PRELID2: variants seen among roughly 807,000 people sequenced by gnomAD.
The protein encoded by PRELID2 is PRELI domain-containing protein 2.
Under a neutral mutation model 28.4 loss-of-function variants are expected in PRELID2, and 25 were observed. The observed-to-expected ratio is 0.88, with a 90% confidence interval of 0.64 to 1.23. PRELID2 has a LOEUF of 1.23. PRELID2 is among the 50% of genes most tolerant of loss of function. The pLI is 0.00. For missense variants in PRELID2, 201 were observed against 214.4 expected (o/e 0.94, Z 0.39); for synonymous variants, 76 against 71.6 (o/e 1.06, Z -0.31).
At position 145,759,975 on chromosome 5, in the gene PRELID2, T is replaced by C. The variant is rs1757393319; in HGVS notation, c.*561A>G. The C allele has an allele frequency of 6.6e-6, 1 of 152,160 alleles. No homozygotes were observed. Among genetic ancestry groups the C allele is most frequent in the African/African-American group, 2.4e-5 (1 of 41,434 alleles). 9.4% of individuals were successfully genotyped at this position (152,160 alleles called of 1,614,324 possible). On this transcript the variant is annotated 3_prime_UTR_variant, in exon 7 of 7. Coordinates refer to ENST00000683046, the MANE Select transcript of PRELID2 (RefSeq NM_205846.3). ...ATTACTTATGGATAGGATAAAAATC[T>C]CCTGATTTCTGAGAATCTTAAACAT...
chr5:145,474,219 T>C (rs568933369), intron 1 of PRELID2, among the ~76,000 whole-genome samples: 3 of 152,308 alleles, frequency 2.0e-5, no homozygotes, highest in African/African-American at 4.8e-5. Context: ...GAAAGAACAA[T>C]GTAGAATGTA....
the PRELID2 span, among the ~76,000 whole-genome samples, chr5:145,346,508 G>T: frequency 6.6e-6 from 1 of 152,124 alleles, no homozygotes; most frequent in Non-Finnish European, 1.5e-5. Flanking sequence ...GAATGGGAAA[G>T]GAATTATTGA....
the PRELID2 span, among the ~76,000 whole-genome samples, chr5:145,361,310 G>A: frequency 1.3e-5 from 2 of 152,170 alleles, no homozygotes; most frequent in African/African-American, 4.8e-5. Flanking sequence ...CTTGCTAAGT[G>A]CTTTCTAAAT....
At chr5:145,373,332 CGATATATATTACAACATATATAATATAT>C in the PRELID2 span, among the ~76,000 whole-genome samples, 1 of 80,264 alleles carries the variant, frequency 1.2e-5, no homozygotes, top group Non-Finnish European at 2.4e-5. Flanking sequence ...ATATAATATA[CGATATATATTACAACATATATAATATAT>C]ATGATATTAT....
chr5:145,240,886 A>G, the PRELID2 span, among the ~76,000 whole-genome samples: 2 of 152,036 alleles, frequency 1.3e-5, no homozygotes, highest in Admixed American at 6.6e-5. Flanking sequence ...ATGTGTATAA[A>G]AGCAGAATGT....
chr5:145,514,746 A>AAGTAAAATTTACCATATAAGG (rs1377421910), intron 1 of PRELID2, among the ~76,000 whole-genome samples: 11 of 152,200 alleles, frequency 7.2e-5, no homozygotes, highest in Admixed American at 2.0e-4. Context: ...ATATAATTGG[A>AAGTAAAATTTACCATATAAGG]AGTAAAACAC....
At chr5:145,393,966 C>A in the PRELID2 span, among the ~76,000 whole-genome samples, 3 of 152,148 alleles carry the variant, frequency 2.0e-5, no homozygotes, top group African/African-American at 7.2e-5. Flanking sequence ...AGTCAGGACA[C>A]TTTTACACTG....
At chr5:145,432,269 T>C in the PRELID2 span, among the ~76,000 whole-genome samples, 1 of 152,044 alleles carries the variant, frequency 6.6e-6, no homozygotes, top group African/African-American at 2.4e-5. Flanking sequence ...TGACCTTCCT[T>C]TTGGCTGTTG....
intron 1 of PRELID2, among the ~76,000 whole-genome samples, chr5:145,488,301 T>C (rs777539416): frequency 6.6e-6 from 1 of 152,114 alleles, no homozygotes; most frequent in Non-Finnish European, 1.5e-5. Flanking sequence ...GAATTAAGAT[T>C]ATCAGATACA....
intron 1 of PRELID2, among the ~76,000 whole-genome samples, chr5:145,518,798 C>T (rs1431092488): frequency 6.6e-6 from 1 of 152,180 alleles, no homozygotes; most frequent in Non-Finnish European, 1.5e-5. Context: ...CTATTGGCAT[C>T]TAGCAGACAG....
chr5:145,612,391 G>A (rs1753629965), intron 1 of PRELID2, among the ~76,000 whole-genome samples: 1 of 152,002 alleles, frequency 6.6e-6, no homozygotes, highest in Non-Finnish European at 1.5e-5. Context: ...TGATTACAGA[G>A]GAATCATATT....
At chr5:145,286,855 A>C in the PRELID2 span, among the ~76,000 whole-genome samples, 2 of 151,842 alleles carry the variant, frequency 1.3e-5, no homozygotes, top group East Asian at 1.9e-4. Flanking sequence ...GATTACAGGC[A>C]TGTGCCACAG....
chr5:145,411,782 T>C, the PRELID2 span, among the ~76,000 whole-genome samples: 1 of 152,192 alleles, frequency 6.6e-6, no homozygotes, highest in African/African-American at 2.4e-5. Context: ...CATCCCTGTA[T>C]CAAACTTTGG....
At chr5:145,271,503 CA>C in the PRELID2 span, among the ~76,000 whole-genome samples, 2 of 152,120 alleles carry the variant, frequency 1.3e-5, no homozygotes, top group Non-Finnish European at 2.9e-5. Flanking sequence ...GGTGAGCCCC[CA>C]TACTTGGCCC....
the PRELID2 span, among the ~76,000 whole-genome samples, chr5:145,293,114 C>A: frequency 1.3e-5 from 2 of 152,066 alleles, no homozygotes; most frequent in African/African-American, 4.8e-5. Context: ...AGTAATTGTG[C>A]CCTTTTAGAG....
chr5:145,532,545 A>G (rs1189274528), intron 1 of PRELID2, among the ~76,000 whole-genome samples: 1 of 152,084 alleles, frequency 6.6e-6, no homozygotes, highest in Non-Finnish European at 1.5e-5. Flanking sequence ...ACCTTGTTGT[A>G]CAATAGATCT....
At chr5:145,628,606 G>A (rs1399671485) in intron 1 of PRELID2, among the ~76,000 whole-genome samples, 1 of 152,186 alleles carries the variant, frequency 6.6e-6, no homozygotes, top group Non-Finnish European at 1.5e-5. Flanking sequence ...TTATAGGCAT[G>A]AGCCACCGCA....
chr5:145,425,033 T>C, the PRELID2 span, among the ~76,000 whole-genome samples: 1 of 150,960 alleles, frequency 6.6e-6, no homozygotes, highest in Non-Finnish European at 1.5e-5. Flanking sequence ...AAAAATCTAA[T>C]ATCCAGAGTC....
chr5:145,640,337 G>A (rs1273571593), intron 1 of PRELID2, among the ~76,000 whole-genome samples: 3 of 151,918 alleles, frequency 2.0e-5, no homozygotes, highest in African/African-American at 2.4e-5. Context: ...TTAGCCGGGC[G>A]TGGTGGCGGG....
Sources: gnomAD v4.1 joint callset for allele counts (sites outside exome capture counted in the v4.1 genomes callset) on GRCh38, gnomAD v4.1.1 for gene constraint, MANE v1.5 for transcripts, NCBI Gene and HGNC (gene_info 2026-07-23, HGNC 2026-07-21) for gene names.